KIRREL2: variants seen among roughly 807,000 people sequenced by gnomAD.
KIRREL2 encodes the protein kin of IRRE-like protein 2.
KIRREL2 carries 56 observed loss-of-function variants against 73.4 expected under a neutral mutation model. The observed-to-expected ratio is 0.76, with a 90% confidence interval of 0.62 to 0.95. The LOEUF (loss-of-function observed/expected upper bound fraction) is 0.95. KIRREL2 is among the 40% of genes least tolerant of loss of function. The pLI is 0.00. For synonymous variants in KIRREL2, 407 were observed against 404.0 expected, an observed-to-expected ratio of 1.01 and a Z score of -0.09; for missense variants, 896 against 935.0, an observed-to-expected ratio of 0.96 and a Z score of 0.54.
chr19:35,858,715 GC>G lies in KIRREL2; in HGVS notation c.379del (p.Gln127ArgfsTer18), dbSNP rs758018108. The part of the protein sequence containing the change: ...AQLHVLVPPE[A>X]PQVLGGPSVS... ...AATCCACCTTGCAGTCCCCCCAGAA[GC>G]CCCCCAGGTGCTGGGCGGCCCCTCT... is the stretch of plus-strand genomic sequence containing the variant. On this transcript the variant is annotated frameshift_variant, in exon 4 of 15. Transcript: ENST00000360202. LOFTEE classifies it high-confidence loss of function. The G allele has an allele frequency of 1.2e-6, 2 of 1,614,070 alleles. No homozygotes were observed. Among genetic ancestry groups the G allele is most frequent in the Non-Finnish European group, 1.7e-6 (2 of 1,179,994 alleles).
chr19:35,857,219 T>TGGGGAGTTGCTTGC, intron 1 of KIRREL2, 39 bp downstream of exon 1: 1 of 631,740 alleles, frequency 1.6e-6, no homozygotes, highest in Non-Finnish European at 2.3e-6. Flanking sequence ...GGGGTGGGGG[T>TGGGGAGTTGCTTGC]GGGGAGTTGC....
At chr19:35,855,089 C>T (rs895612926), upstream of KIRREL2, among the ~76,000 whole-genome samples, 1 of 152,130 alleles carries the variant, frequency 6.6e-6, no homozygotes, top group African/African-American at 2.4e-5. Context: ...GCCTCAGCCC[C>T]CAGCTTCATC....
chr19:35,862,659 C>A, intron 12 of KIRREL2, 62 bp downstream of exon 12: 2 of 1,265,190 alleles, frequency 1.6e-6, no homozygotes, highest in South Asian at 1.2e-5. Flanking sequence ...CCTGCCTGCC[C>A]AGTGACCTGA....
rs1450062922 is a variant in KIRREL2, at chr19:35,857,177, G to A, written c.58G>A (p.Ala20Thr). 1 of 1,611,734 alleles carries A rather than the reference G, an allele frequency of 6.2e-7. No individual in the cohort carries two copies. Among genetic ancestry groups the A allele is most frequent in the African/African-American group, 1.3e-5 (1 of 74,514 alleles). The stretch of plus-strand genomic sequence containing the variant: ...CCTCCTCTTCTGCTTCAGAGGGAGA[G>A]CAGGTACCGCACGAGGGGAGCGGAG... The part of the protein sequence containing the change: ...LVLLFCFRGR[A>T]GPSPHFLQQP... Residue 20 changes from alanine to threonine, a missense_variant, in exon 1 of 15, where the codon GCA becomes ACA. Ala to Thr is a moderately conservative substitution (Grantham distance 58). Coordinates refer to ENST00000360202, the MANE Select transcript of KIRREL2 (RefSeq NM_199180.4).
At chr19:35,851,568 C>G (rs768382806), upstream of KIRREL2, 27 of 1,613,854 alleles carry the variant, frequency 1.7e-5, no homozygotes, top group Non-Finnish European at 1.9e-5. Context: ...GGGGTGCTGA[C>G]CCCACAACGC....
At chr19:35,851,687 C>T (rs758002457), upstream of KIRREL2, 21 of 1,606,250 alleles carry the variant, frequency 1.3e-5, no homozygotes, top group East Asian at 2.2e-5. Flanking sequence ...GGACACAGCG[C>T]GGTGCAAGGA....
intron 5 of KIRREL2, among the ~76,000 whole-genome samples, 168 bp downstream of exon 5, chr19:35,859,799 C>G (rs1188337380): frequency 1.3e-5 from 2 of 152,150 alleles, no homozygotes; most frequent in East Asian, 1.9e-4. Context: ...ACTCACAGAA[C>G]TTTGGGAGGT....
At chr19:35,857,530 T>C in intron 2 of KIRREL2, 36 bp downstream of exon 2, 1 of 1,506,868 alleles carries the variant, frequency 6.6e-7, no homozygotes, top group Non-Finnish European at 8.9e-7. Flanking sequence ...ACGGGCTGGC[T>C]AGGGGGAGAG....
At chr19:35,860,140 G>A (rs1002816432) in intron 5 of KIRREL2, among the ~76,000 whole-genome samples, 157 bp from the exon 6 acceptor site, 18 of 152,118 alleles carry the variant, frequency 1.2e-4, no homozygotes, top group African/African-American at 4.3e-4. Flanking sequence ...AGGTAACTGG[G>A]GAAATTGGGA....
upstream of KIRREL2, among the ~76,000 whole-genome samples, chr19:35,854,358 G>T (rs1973358193): frequency 6.6e-6 from 1 of 150,758 alleles, no homozygotes; most frequent in South Asian, 2.1e-4. Context: ...TTTCACTCTT[G>T]TTGCCCAGAC....
intron 10 of KIRREL2, 61 bp downstream of exon 10, chr19:35,861,702 C>T (rs994395834): frequency 6.3e-6 from 10 of 1,582,104 alleles, no homozygotes; most frequent in South Asian, 1.1e-5. Context: ...TCCCACCTGG[C>T]CCCCCGAAAC....
At chr19:35,860,224 G>T in intron 5 of KIRREL2, 73 bp from the exon 6 acceptor site, 3 of 1,253,118 alleles carry the variant, frequency 2.4e-6, no homozygotes, top group Non-Finnish European at 2.3e-6. Flanking sequence ...GAGGAACCAG[G>T]GACTGGACAC....
chr19:35,861,205 G>A lies in KIRREL2; in HGVS notation c.1140G>A (p.Gly380=), dbSNP rs773158216. Residue 380 remains glycine, a synonymous_variant, in exon 9 of 15, where the codon GGG becomes GGA. Transcript: ENST00000360202. ...AGDYVCRAEA[G]LSGLRGGAAE... ...ACTATGTGTGCAGAGCTGAGGCTGG[G>A]CTATCGGGCCTGCGGGGCGGCGCCG... 13 of 1,549,962 alleles carry A rather than the reference G, an allele frequency of 8.4e-6. No homozygotes were observed. Among genetic ancestry groups the A allele is most frequent in the Non-Finnish European group, 6.9e-6 (8 of 1,155,506 alleles).
chr19:35,861,557 C>A lies in KIRREL2; in HGVS notation c.1206C>A (p.Thr402=), dbSNP rs200222317. 1 of 1,613,750 alleles carries A rather than the reference C, an allele frequency of 6.2e-7. No individual in the cohort carries two copies. Among genetic ancestry groups the A allele is most frequent in the Admixed American group, 1.7e-5 (1 of 59,946 alleles). ...RLTVNAPPVV[T]ALHSAPAFLR... ...CCATCCCAGCTCCCCCAGTAGTGAC[C>A]GCCCTGCACTCTGCGCCTGCCTTCC... Residue 402 remains threonine, a synonymous_variant, in exon 10 of 15, where the codon ACC becomes ACA. Transcript: ENST00000360202.
rs748127730 is a variant in KIRREL2, at chr19:35,860,444, C to T, written c.779+42C>T. On this transcript the variant is annotated intron_variant, in intron 6 of 14. Transcript: ENST00000360202. ...ACCTCTCCCCAGCCCCAAGAGTGAG[C>T]TTGGGAAGGGCTGGGACCTGAGTAG... The T allele has an allele frequency of 5.6e-6, 9 of 1,607,260 alleles. No individual in the cohort carries two copies. In the East Asian group the frequency reaches 1.8e-4, roughly 32 times the overall value.
At position 35,866,256 on chromosome 19, in the gene KIRREL2, C is replaced by T. The variant is rs1419976840; in HGVS notation, c.1891C>T (p.Leu631Phe). Reference protein sequence around the residue: ...GGLFLPPPSPLGPPGTPTFYD... With the variant: ...GGLFLPPPSPFGPPGTPTFYD... The stretch of plus-strand genomic sequence containing the variant: ...TCTCTTCCTGCCACCACCCTCCCCC[C>T]TTGGGCCCCCAGGGACCCCTACCTT... Residue 631 changes from leucine to phenylalanine, a missense_variant, in exon 15 of 15, where the codon CTT becomes TTT. Coordinates refer to ENST00000360202, the MANE Select transcript of KIRREL2 (RefSeq NM_199180.4). 6.2e-7 allele frequency: 1 copy of T among 1,609,420 alleles called. No homozygotes were observed. Among genetic ancestry groups the T allele is most frequent in the Non-Finnish European group, 8.5e-7 (1 of 1,175,750 alleles).
At chr19:35,862,734 G>T in intron 12 of KIRREL2, 137 bp downstream of exon 12, 1 of 735,340 alleles carries the variant, frequency 1.4e-6, no homozygotes, top group Non-Finnish European at 2.3e-6. Flanking sequence ...TCTCCTTCAC[G>T]TTCTGGTTCC....
intron 2 of KIRREL2, 107 bp from the exon 3 acceptor site, chr19:35,858,301 C>G (rs1973516158): frequency 7.5e-7 from 1 of 1,335,332 alleles, no homozygotes; most frequent in Non-Finnish European, 1.0e-6. Flanking sequence ...TAGTGTCTTA[C>G]CACCAAATGT....
rs773194255 is a variant in KIRREL2 at position 35,862,962 on chromosome 19, C to T, written c.1651C>T (p.Arg551Ter). 2 of 1,588,418 alleles carry T rather than the reference C, an allele frequency of 1.3e-6. No homozygotes were observed. Among genetic ancestry groups the T allele is most frequent in the Middle Eastern group, 1.7e-4 (1 of 6,040 alleles). Reference sequence around the variant, plus strand: ...TTTCTCCGAGCAAAAGAACCTGATGCGAATCCCTGGCAGCAGCGACGGCTC... The same window carrying T: ...TTTCTCCGAGCAAAAGAACCTGATGTGAATCCCTGGCAGCAGCGACGGCTC... ...ASFSEQKNLM[R>*]IPGSSDGSSS... The change falls in exon 13 of 15, where the codon CGA (arginine) becomes TGA (stop). Residue 551 changes from arginine to a stop codon, truncating the protein, a stop_gained. Transcript: ENST00000360202. LOFTEE classifies it high-confidence loss of function.
Sources: gnomAD v4.1 joint callset for allele counts (sites outside exome capture counted in the v4.1 genomes callset) on GRCh38, gnomAD v4.1.1 for gene constraint, MANE v1.5 for transcripts, NCBI Gene and HGNC (gene_info 2026-07-23, HGNC 2026-07-21) for gene names.